Variants in SGCZ observed in about 807,000 individuals in gnomAD.
The protein encoded by SGCZ is zeta-sarcoglycan.
A neutral mutation model predicts 41.3 loss-of-function variants in SGCZ; 40 were observed. The observed-to-expected ratio is 0.97, with a 90% confidence interval of 0.75 to 1.26. The LOEUF (loss-of-function observed/expected upper bound fraction) is 1.26. Among genes scored for constraint, SGCZ ranks in the 50% most tolerant of loss-of-function variants. SGCZ has a pLI of 0.00. For missense variants in SGCZ, 552 were observed against 369.8 expected (o/e 1.49, Z -4.04); for synonymous variants, 206 against 137.5 (o/e 1.50, Z -3.49).
intron 2 of SGCZ, among the ~76,000 whole-genome samples, chr8:14,363,415 G>T (rs1446533646): frequency 1.3e-5 from 2 of 152,104 alleles, no homozygotes; most frequent in African/African-American, 4.8e-5. Flanking sequence ...ATTTAATTTT[G>T]AATCAGTTGC....
intron 3 of SGCZ, among the ~76,000 whole-genome samples, chr8:14,304,211 G>A (rs1299725173): frequency 1.3e-5 from 2 of 152,088 alleles, no homozygotes; most frequent in Non-Finnish European, 2.9e-5. Flanking sequence ...AGGAGGCTGA[G>A]GCAGGAGGAT....
intron 1 of SGCZ, among the ~76,000 whole-genome samples, chr8:15,162,719 CTA>C (rs1472160497): frequency 6.6e-6 from 1 of 152,190 alleles, no homozygotes; most frequent in African/African-American, 2.4e-5. Context: ...CCTACCATGT[CTA>C]TGTTTTTCTC....
At chr8:14,915,905 T>C (rs945974646) in intron 1 of SGCZ, among the ~76,000 whole-genome samples, 1 of 152,168 alleles carries the variant, frequency 6.6e-6, no homozygotes, top group African/African-American at 2.4e-5. Flanking sequence ...GGGTATATAC[T>C]CCAGGCAAAG....
At chr8:15,070,137 C>A (rs978240350) in intron 1 of SGCZ, among the ~76,000 whole-genome samples, 30 of 152,222 alleles carry the variant, frequency 2.0e-4, no homozygotes, top group African/African-American at 7.2e-4. Flanking sequence ...ATGAAAGATA[C>A]CTCAAATTCT....
At chr8:15,156,438 A>G (rs553421478) in intron 1 of SGCZ, among the ~76,000 whole-genome samples, 67 of 152,332 alleles carry the variant, frequency 4.4e-4, no homozygotes, top group Middle Eastern at 6.8e-3. Flanking sequence ...TTTTATCAGC[A>G]TGGTGAAATC....
intron 1 of SGCZ, among the ~76,000 whole-genome samples, chr8:14,989,410 C>T (rs768759671): frequency 6.6e-6 from 1 of 151,952 alleles, no homozygotes; most frequent in Non-Finnish European, 1.5e-5. Context: ...TGCTTGAGCC[C>T]AGGAAGTCAA....
chr8:14,323,077 G>C lies in SGCZ; in HGVS notation c.336+1026C>G, dbSNP rs1313940004. Among the ~76,000 whole-genome samples the C allele has an allele frequency of 2.6e-5, 4 of 152,002 alleles. No homozygotes were observed. In the East Asian group the frequency reaches 5.8e-4, roughly 22 times the overall value. On this transcript the variant is annotated intron_variant, in intron 3 of 7. Transcript: ENST00000382080. ...CCAAAATAAAATTTCTAGTACCAGA[G>C]TAGAGTCAATACAGTATATTAGAAG...
chr8:15,091,402 T>A (rs542933134), intron 1 of SGCZ, among the ~76,000 whole-genome samples: 1 of 152,374 alleles, frequency 6.6e-6, no homozygotes, highest in Admixed American at 6.5e-5. Flanking sequence ...TTTTCACTAC[T>A]TTTTACATTC....
Position 14,688,119 on chromosome 8 carries a change from G to T in SGCZ, c.40-133193C>A, listed in dbSNP as rs547660748. 8.3e-4 allele frequency among the ~76,000 whole-genome samples: 126 copies of T among 152,146 alleles called. 1 individual carries two copies. The highest frequency in any genetic ancestry group is 2.4e-3 in the African/African-American group (99 of 41,520). On this transcript the variant is annotated intron_variant, in intron 1 of 7. Transcript: ENST00000382080. ...GCCCTTTGTCAGATGAGTAGGTTGC[G>T]AAAATTTTCTCCCATTTTGTAGGTT...
chr8:14,300,370 G>T, intron 3 of SGCZ, among the ~76,000 whole-genome samples: 1 of 151,590 alleles, frequency 6.6e-6, no homozygotes, highest in Admixed American at 6.6e-5. Context: ...AAGGAAGAGA[G>T]GGAGGGAGGA....
intron 1 of SGCZ, among the ~76,000 whole-genome samples, chr8:14,849,458 C>CTACTCA (rs779906060): frequency 7.2e-5 from 11 of 151,878 alleles, no homozygotes; most frequent in Non-Finnish European, 1.5e-4. Flanking sequence ...GAATGGAATA[C>CTACTCA]TACTCATCAA....
At chr8:14,872,951 G>A (rs1427703745) in intron 1 of SGCZ, among the ~76,000 whole-genome samples, 1 of 152,108 alleles carries the variant, frequency 6.6e-6, no homozygotes, top group Non-Finnish European at 1.5e-5. Context: ...AAATAAAGCA[G>A]AAGTCAAACG....
chr8:14,554,677 G>A, intron 2 of SGCZ, 55 bp downstream of exon 2: 1 of 1,439,474 alleles, frequency 6.9e-7, no homozygotes, highest in Admixed American at 1.9e-5. Context: ...AAGTAACAGA[G>A]CTAGATTGTC....
intron 1 of SGCZ, among the ~76,000 whole-genome samples, chr8:14,624,834 G>A (rs532560639): frequency 6.5e-4 from 99 of 152,020 alleles, no homozygotes; most frequent in African/African-American, 2.2e-3. Context: ...GCCTCCCAAA[G>A]TGCTGGGATT....
At position 14,642,964 on chromosome 8, in the gene SGCZ, C is replaced by T. The variant is rs574393631; in HGVS notation, c.40-88038G>A. On this transcript the variant is annotated intron_variant, in intron 1 of 7. Transcript: ENST00000382080. ...TCACACCTCGATATATTGCAAACCC[C>T]TAGAAAAATGACCTGTGCATAGAAG... Among the ~76,000 whole-genome samples the T allele has an allele frequency of 9.8e-4, 149 of 151,568 alleles. 3 individuals carry two copies. Among genetic ancestry groups the T allele is most frequent in the African/African-American group, 3.5e-3 (145 of 41,436 alleles).
intron 1 of SGCZ, among the ~76,000 whole-genome samples, chr8:14,645,528 A>T (rs902381331): frequency 6.9e-6 from 1 of 143,892 alleles, no homozygotes; most frequent in African/African-American, 2.5e-5. Context: ...AATTATGTTT[A>T]TTTTAAAAAT....
chr8:14,451,229 G>C (rs769115475), intron 2 of SGCZ, among the ~76,000 whole-genome samples: 1 of 152,062 alleles, frequency 6.6e-6, no homozygotes, highest in Non-Finnish European at 1.5e-5. Context: ...AGACTCTGTA[G>C]GAAATGTAGC....
intron 4 of SGCZ, among the ~76,000 whole-genome samples, chr8:14,176,888 T>G (rs1004633495): frequency 2.3e-4 from 35 of 152,220 alleles, no homozygotes; most frequent in African/African-American, 8.4e-4. Flanking sequence ...AAAGCTCTCC[T>G]GTTGCCATCC....
At chr8:14,368,653 A>G (rs939251736) in intron 2 of SGCZ, among the ~76,000 whole-genome samples, 1 of 151,694 alleles carries the variant, frequency 6.6e-6, no homozygotes, top group African/African-American at 2.4e-5. Flanking sequence ...CCAGTAAACC[A>G]GTGAATAATA....
Sources: gnomAD v4.1 joint callset for allele counts (sites outside exome capture counted in the v4.1 genomes callset) on GRCh38, gnomAD v4.1.1 for gene constraint, MANE v1.5 for transcripts, NCBI Gene and HGNC (gene_info 2026-07-23, HGNC 2026-07-21) for gene names.